TRIM5: variants seen among roughly 807,000 people sequenced by gnomAD.
The protein encoded by TRIM5 is tripartite motif-containing protein 5.
A neutral mutation model predicts 35.6 loss-of-function variants in TRIM5; 31 were observed. The ratio of observed to expected loss-of-function variants is 0.87; its 90% CI spans 0.65 to 1.18. TRIM5 has a LOEUF of 1.18. Ranked by LOEUF, TRIM5 falls within the 50% of genes most tolerant of loss-of-function variation. The pLI, the probability that TRIM5 is intolerant of heterozygous loss-of-function variation, is 0.00. For missense variants in TRIM5, 609 were observed against 591.6 expected, an observed-to-expected ratio of 1.03 and a Z score of -0.31; for synonymous variants, 243 against 215.6, an observed-to-expected ratio of 1.13 and a Z score of -1.11.
chr11:5,653,414 T>G, the TRIM5 span, among the ~76,000 whole-genome samples: 1 of 152,148 alleles, frequency 6.6e-6, no homozygotes, highest in Non-Finnish European at 1.5e-5. Context: ...TAAATAGATT[T>G]TCCTTGCTTT....
Position 5,670,170 on chromosome 11 carries a change from C to CTTTTTTT in TRIM5, c.745-2466_745-2460dup, listed in dbSNP as rs3060972. ...TGTCTGTGTTGGATCAGATGCCCAT[C>CTTTTTTT]TTTTTTTTTTTTTTTTTTTTTTTTT... is the stretch of plus-strand genomic sequence containing the variant. On this transcript the variant is annotated intron_variant, in intron 4 of 7. Transcript: ENST00000380034. 3.8e-4 allele frequency among the ~76,000 whole-genome samples: 23 copies of CTTTTTTT among 60,234 alleles called. 1 individual carries two copies. Among genetic ancestry groups the CTTTTTTT allele is most frequent in the East Asian group, 5.6e-4 (1 of 1,770 alleles). The allele number at this position is 60,234 out of a possible 152,430, so 39.5% of individuals were successfully genotyped here.
chr11:5,644,001 A>C, the TRIM5 span: 1 of 479,780 alleles, frequency 2.1e-6, no homozygotes, highest in Non-Finnish European at 3.6e-6. Flanking sequence ...TGATATGAAG[A>C]GGCCCAAAGC....
chr11:5,591,720 C>G, the TRIM5 span, among the ~76,000 whole-genome samples: 1 of 151,878 alleles, frequency 6.6e-6, no homozygotes, highest in Non-Finnish European at 1.5e-5. Flanking sequence ...GAGACATGAT[C>G]TGATTGGATC....
rs1182846989 is a variant in TRIM5, at chr11:5,664,033, C to T, written c.*776G>A. 6.0e-6 allele frequency: 1 copy of T among 167,728 alleles called. No individual in the cohort carries two copies. The highest frequency in any genetic ancestry group is 1.2e-5 in the Non-Finnish European group (1 of 82,352). The allele number at this position is 167,728 out of a possible 1,614,324, so 10.4% of individuals were successfully genotyped here. On this transcript the variant is annotated 3_prime_UTR_variant, in exon 8 of 8. Coordinates refer to ENST00000380034, the MANE Select transcript of TRIM5 (RefSeq NM_033034.3). ...CCTAACCAACATGGGGAAACCCCGT[C>T]TCTACTGAAAATACAAATTTAGCCA...
chr11:5,682,567 C>A (rs952430786), intron 1 of TRIM5, among the ~76,000 whole-genome samples: 3 of 152,172 alleles, frequency 2.0e-5, no homozygotes, highest in Non-Finnish European at 4.4e-5. Context: ...AGAAGCCAGA[C>A]TGCCCAGCAT....
At chr11:5,669,915 C>T in intron 4 of TRIM5, 1 of 192,790 alleles carries the variant, frequency 5.2e-6, no homozygotes, top group South Asian at 6.0e-5. Flanking sequence ...GCGGAGGTTG[C>T]AGTTATCCAA....
chr11:5,643,644 G>C, the TRIM5 span: 1 of 1,613,982 alleles, frequency 6.2e-7, no homozygotes, highest in Non-Finnish European at 8.5e-7. Context: ...TTCTCAGCCT[G>C]TTTATCCATA....
chr11:5,645,867 G>GAAAAAAAAAAAAAAA, the TRIM5 span: 2 of 134,520 alleles, frequency 1.5e-5, no homozygotes, highest in African/African-American at 7.2e-5. Flanking sequence ...TAGTCTTCTG[G>GAAAAAAAAAAAAAAA]AAAAAAAAAA....
chr11:5,625,370 A>T, the TRIM5 span, among the ~76,000 whole-genome samples: 145 of 152,300 alleles, frequency 9.5e-4, no homozygotes, highest in African/African-American at 3.3e-3. Context: ...CTTGCAAAGG[A>T]AACAATTCTC....
chr11:5,624,596 A>G, the TRIM5 span, among the ~76,000 whole-genome samples: 1 of 152,190 alleles, frequency 6.6e-6, no homozygotes, highest in East Asian at 1.9e-4. Flanking sequence ...AGGTTAAAAC[A>G]GGGCTTTTCA....
In TRIM5 at chr11:5,663,744, C is replaced by T. The variant is rs1312802462; in HGVS notation, c.*1065G>A. 4.5e-6 allele frequency: 1 copy of T among 223,114 alleles called. No homozygotes were observed. The highest frequency in any genetic ancestry group is 2.3e-5 in the African/African-American group (1 of 42,894). The allele number at this position is 223,114 out of a possible 1,614,324, so 13.8% of individuals were successfully genotyped here. ...CCAGGGTAATTAGCATATCCATCAC[C>T]TCAAATATGTGTCATTTCTTTGTGT... On this transcript the variant is annotated 3_prime_UTR_variant, in exon 8 of 8. Transcript: ENST00000380034.
chr11:5,632,802 G>C, the TRIM5 span: 1 of 1,422,958 alleles, frequency 7.0e-7, no homozygotes, highest in Non-Finnish European at 9.4e-7. Flanking sequence ...GTAGTTGGTG[G>C]AAAATCTCAC....
the TRIM5 span, among the ~76,000 whole-genome samples, chr11:5,657,693 AT>A: frequency 5.1e-4 from 65 of 127,596 alleles, 1 homozygote; most frequent in East Asian, 0.013. Flanking sequence ...TATATTTATA[AT>A]ATAATATATA....
At chr11:5,655,604 T>G in the TRIM5 span, 3 of 972,672 alleles carry the variant, frequency 3.1e-6, no homozygotes, top group Non-Finnish European at 3.7e-6. Context: ...TGAATAGCAT[T>G]GGTTAAGGTG....
the TRIM5 span, chr11:5,610,092 T>TGGA: frequency 1.3e-6 from 2 of 1,598,450 alleles, no homozygotes; most frequent in Admixed American, 3.4e-5. Context: ...AGATGGGTGG[T>TGGA]GGAGGAACCC....
At chr11:5,595,917 G>A in the TRIM5 span, among the ~76,000 whole-genome samples, 2 of 152,086 alleles carry the variant, frequency 1.3e-5, no homozygotes, top group East Asian at 3.9e-4. Flanking sequence ...TCCTGACCTC[G>A]TTATCCGCCC....
At chr11:5,631,684 G>T in the TRIM5 span, among the ~76,000 whole-genome samples, 2 of 152,122 alleles carry the variant, frequency 1.3e-5, no homozygotes, top group Admixed American at 1.3e-4. Flanking sequence ...TTCAGCTATT[G>T]AAGAATTTCC....
intron 1 of TRIM5, among the ~76,000 whole-genome samples, chr11:5,680,498 T>C (rs1361410790): frequency 1.3e-5 from 2 of 152,338 alleles, no homozygotes; most frequent in South Asian, 2.1e-4. Flanking sequence ...TTTCAATGAA[T>C]AGAAAACAGA....
At chr11:5,680,281 T>G in intron 1 of TRIM5, 43 bp from the exon 2 acceptor site, 1 of 1,183,026 alleles carries the variant, frequency 8.5e-7, no homozygotes, top group Middle Eastern at 2.1e-4. Flanking sequence ...GTAAGAAAGG[T>G]AGAAATAGAA....
Sources: allele counts gnomAD v4.1 joint callset (sites outside exome capture counted in the v4.1 genomes callset), GRCh38; gene constraint gnomAD v4.1.1; transcripts MANE v1.5; gene names NCBI Gene and HGNC (gene_info 2026-07-23, HGNC 2026-07-21).